Variants in PLCB4 observed in about 807,000 individuals in gnomAD.
PLCB4 encodes the protein 1-phosphatidylinositol 4,5-bisphosphate phosphodiesterase beta-4.
PLCB4 carries 77 observed loss-of-function variants against 178.8 expected under a neutral mutation model. That is an observed-to-expected ratio of 0.43 (90% confidence interval 0.36 to 0.52). The LOEUF (loss-of-function observed/expected upper bound fraction) is 0.52. PLCB4 is among the 20% of genes least tolerant of loss of function. The pLI is 0.00. For synonymous variants in PLCB4, 496 were observed against 490.8 expected, an observed-to-expected ratio of 1.01 and a Z score of -0.14; for missense variants, 1,024 against 1,453.4, an observed-to-expected ratio of 0.70 and a Z score of 4.80.
chr20:9,472,903 C>A, intron 37 of PLCB4, 56 bp downstream of exon 37: 1 of 970,764 alleles, frequency 1.0e-6, no homozygotes, highest in South Asian at 1.4e-5. Context: ...TAAACAATAA[C>A]ATGCTTAGCC....
intron 1 of PLCB4, among the ~76,000 whole-genome samples, chr20:9,070,986 C>A (rs542658299): frequency 6.6e-6 from 1 of 152,148 alleles, no homozygotes; most frequent in Admixed American, 6.5e-5. Context: ...CATACCCACG[C>A]AGAAAGCTTT....
At position 9,421,394 on chromosome 20, in the gene PLCB4, G is replaced by A. The variant is rs1326914487; in HGVS notation, c.2252G>A (p.Arg751Gln). ...LPTDTIRKEF[R>Q]TRMVMNNGLN... ...ACTGACACCATACGTAAGGAATTCCGAACTCGCATGGTTATGAATAATGGA... is the reference window on the plus strand; with the variant it reads ...ACTGACACCATACGTAAGGAATTCCAAACTCGCATGGTTATGAATAATGGA... Residue 751 changes from arginine to glutamine, a missense_variant, in exon 27 of 40, where the codon CGA (arginine) becomes CAA (glutamine). Physicochemically the swap from Arg to Gln is conservative, Grantham distance 43. This residue lies in a region of PLCB4 where 227 missense variants were observed against 374.3 expected (regional missense o/e 0.61). Coordinates refer to ENST00000378473, the MANE Select transcript of PLCB4 (RefSeq NM_001377142.1). The A allele has an allele frequency of 3.1e-6, 5 of 1,613,770 alleles. No homozygotes were observed. Among genetic ancestry groups the A allele is most frequent in the Non-Finnish European group, 3.4e-6 (4 of 1,179,756 alleles).
intron 2 of PLCB4, among the ~76,000 whole-genome samples, chr20:9,184,374 C>T (rs528683452): frequency 6.6e-6 from 1 of 152,164 alleles, no homozygotes; most frequent in East Asian, 1.9e-4. Flanking sequence ...TTTCCTTTAC[C>T]TTCATAAGCA....
At chr20:9,110,524 A>T (rs775880141) in intron 2 of PLCB4, among the ~76,000 whole-genome samples, 1 of 152,206 alleles carries the variant, frequency 6.6e-6, no homozygotes, top group African/African-American at 2.4e-5. Context: ...TGAGAGAATA[A>T]ACAGGAAATT....
intron 3 of PLCB4, among the ~76,000 whole-genome samples, chr20:9,287,249 A>AG (rs2094543751): frequency 6.6e-6 from 1 of 152,054 alleles, no homozygotes; most frequent in Admixed American, 6.6e-5. Context: ...CTGACATACC[A>AG]GGCATTTCTC....
At chr20:9,308,768 A>G (rs550692633) in intron 4 of PLCB4, among the ~76,000 whole-genome samples, 1 of 152,320 alleles carries the variant, frequency 6.6e-6, no homozygotes, top group Admixed American at 6.5e-5. Flanking sequence ...GTGCATCTCT[A>G]GATTTACAGG....
chr20:9,385,395 C>T (rs926749529), intron 14 of PLCB4, among the ~76,000 whole-genome samples: 22 of 146,968 alleles, frequency 1.5e-4, no homozygotes, highest in African/African-American at 3.8e-4. Flanking sequence ...AGATGATGGG[C>T]GGCCAGGCAG....
chr20:9,417,358 C>T (rs751575458), intron 25 of PLCB4, among the ~76,000 whole-genome samples: 1 of 152,040 alleles, frequency 6.6e-6, no homozygotes. Flanking sequence ...AAATCTGTAT[C>T]GTTTAGCTTT....
chr20:9,112,233 C>T (rs991495064), intron 2 of PLCB4, among the ~76,000 whole-genome samples: 6 of 151,266 alleles, frequency 4.0e-5, no homozygotes, highest in Non-Finnish European at 8.8e-5. Flanking sequence ...GTTTTGGAGA[C>T]CTGTTGAAAC....
chr20:9,410,165 G>A (rs1367421748), intron 24 of PLCB4, among the ~76,000 whole-genome samples: 1 of 152,138 alleles, frequency 6.6e-6, no homozygotes, highest in African/African-American at 2.4e-5. Flanking sequence ...TGCTTCTCAT[G>A]CCTTGAAGGA....
chr20:9,433,910 G>A (rs2041593801), intron 28 of PLCB4, among the ~76,000 whole-genome samples: 1 of 152,054 alleles, frequency 6.6e-6, no homozygotes, highest in Non-Finnish European at 1.5e-5. Flanking sequence ...CAATTTCGGT[G>A]GAGTGCAATT....
intron 1 of PLCB4, among the ~76,000 whole-genome samples, chr20:9,082,394 TG>T (rs2090196859): frequency 6.6e-6 from 1 of 152,214 alleles, no homozygotes; most frequent in Non-Finnish European, 1.5e-5. Context: ...TTATTCGTAG[TG>T]GTTTGAATCT....
At chr20:9,349,446 G>T (rs986543305) in intron 7 of PLCB4, among the ~76,000 whole-genome samples, 6 of 152,064 alleles carry the variant, frequency 3.9e-5, no homozygotes, top group African/African-American at 1.4e-4. Context: ...TTTTTCTTAG[G>T]TTTCAATGTA....
chr20:9,124,533 A>G (rs139361055), intron 2 of PLCB4, among the ~76,000 whole-genome samples: 1 of 152,306 alleles, frequency 6.6e-6, no homozygotes, highest in East Asian at 1.9e-4. Flanking sequence ...AGAGGTAAAT[A>G]TCACAGTGAG....
At chr20:9,347,309 C>T (rs1223415633) in intron 7 of PLCB4, among the ~76,000 whole-genome samples, 2 of 152,230 alleles carry the variant, frequency 1.3e-5, no homozygotes, top group East Asian at 1.9e-4. Context: ...TTAATACTAA[C>T]GTGGATTTTT....
chr20:9,239,585 A>G (rs1470107412), intron 3 of PLCB4, among the ~76,000 whole-genome samples: 1 of 152,200 alleles, frequency 6.6e-6, no homozygotes, highest in Non-Finnish European at 1.5e-5. Context: ...TGATTGAAGG[A>G]TGGAAGGGTA....
intron 3 of PLCB4, among the ~76,000 whole-genome samples, chr20:9,274,469 A>C (rs558621538): frequency 1.3e-5 from 2 of 152,196 alleles, no homozygotes; most frequent in East Asian, 3.9e-4. Context: ...ATTAAGACTG[A>C]ATCTGACTTT....
rs570613918 is a variant in PLCB4, at chr20:9,327,803, T to A, written c.85-9323T>A. Among the ~76,000 whole-genome samples the A allele has an allele frequency of 9.2e-5, 14 of 152,054 alleles. 2 individuals carry two copies. In the South Asian group the frequency reaches 2.9e-3, roughly 32 times the overall value. On this transcript the variant is annotated intron_variant, in intron 4 of 39. Coordinates refer to ENST00000378473, the MANE Select transcript of PLCB4 (RefSeq NM_001377142.1). ...AAAAAAAATAATAATAAAACAAAATTAAAAAATCAATACTAATTTACTTAG... is the reference window on the plus strand; with the variant it reads ...AAAAAAAATAATAATAAAACAAAATAAAAAAATCAATACTAATTTACTTAG...
At chr20:9,405,657 C>A (rs2039383455) in intron 21 of PLCB4, among the ~76,000 whole-genome samples, 2 of 152,164 alleles carry the variant, frequency 1.3e-5, no homozygotes, top group South Asian at 2.1e-4. Flanking sequence ...GATCTTAGTT[C>A]CCACTACATT....
Sources: allele counts gnomAD v4.1 joint callset (sites outside exome capture counted in the v4.1 genomes callset), GRCh38; gene constraint gnomAD v4.1.1; regional missense constraint gnomAD v4.1.1; transcripts MANE v1.5; gene names NCBI Gene and HGNC (gene_info 2026-07-23, HGNC 2026-07-21).